Variants in SAMMSON observed in about 807,000 individuals in gnomAD.
SAMMSON encodes long intergenic non-protein coding RNA 1212.
rs1226764937 is a variant in SAMMSON at position 70,312,057 on chromosome 3, G to A, written n.739+20814G>A. On this transcript the variant is annotated intron_variant and non_coding_transcript_variant, in intron 7 of 9. Transcript: ENST00000642114. ...TCGAGTTTTATATTTAGAAACTACTGCCATATTATGGGAAAATTTTATCTC... is the reference window on the plus strand; with the variant it reads ...TCGAGTTTTATATTTAGAAACTACTACCATATTATGGGAAAATTTTATCTC... 2.0e-5 allele frequency: 8 copies of A among 394,460 alleles called. No homozygotes were observed. In the Admixed American group the frequency reaches 3.1e-4, roughly 15 times the overall value. 24.4% of individuals were successfully genotyped at this position (394,460 alleles called of 1,614,324 possible). A position where few individuals can be genotyped will look rare whatever the true frequency, so the allele number is the denominator to read the frequency against.
intron 6 of SAMMSON, among the ~76,000 whole-genome samples, chr3:70,285,465 C>T (rs1244436860): frequency 1.3e-5 from 2 of 151,942 alleles, no homozygotes; most frequent in African/African-American, 4.8e-5. Flanking sequence ...CATTGTTGGA[C>T]ATTTGGGTTG....
chr3:70,215,043 G>T (rs1187980269), intron 4 of SAMMSON, among the ~76,000 whole-genome samples: 1 of 152,014 alleles, frequency 6.6e-6, no homozygotes, highest in African/African-American at 2.4e-5. Context: ...AAATATAAAT[G>T]TTAAAAATAA....
Position 70,139,326 on chromosome 3 carries a change from C to T in SAMMSON, n.507+67761C>T, listed in dbSNP as rs191192425. 5.3e-5 allele frequency among the ~76,000 whole-genome samples: 8 copies of T among 152,224 alleles called. No homozygotes were observed. The East Asian group carries it at 1.6e-3, about 30-fold the overall frequency. On this transcript the variant is annotated intron_variant and non_coding_transcript_variant, in intron 4 of 9. Transcript: ENST00000642114. ...TGCTGGGATTATAGGTATGAGCTAC[C>T]ACACCCAACCAAACCTTAAGTCTTG...
intron 6 of SAMMSON, among the ~76,000 whole-genome samples, chr3:70,250,236 T>A (rs554197690): frequency 2.0e-5 from 3 of 152,304 alleles, no homozygotes; most frequent in East Asian, 3.9e-4. Context: ...CTTCTCATCT[T>A]GTGCTGCTGA....
At chr3:70,409,136 C>G (rs1023436428) in intron 2 of SAMMSON, among the ~76,000 whole-genome samples, 6 of 152,118 alleles carry the variant, frequency 3.9e-5, no homozygotes, top group African/African-American at 1.4e-4. Context: ...GAGTACAACT[C>G]AAGATGAGAT....
intron 4 of SAMMSON, among the ~76,000 whole-genome samples, chr3:70,111,244 C>T (rs1463909790): frequency 1.3e-5 from 2 of 152,024 alleles, no homozygotes; most frequent in Admixed American, 6.6e-5. Context: ...ACATGATAGA[C>T]TAGATAAGAA....
chr3:70,406,583 A>G (rs958611755), intron 2 of SAMMSON, among the ~76,000 whole-genome samples: 1 of 152,252 alleles, frequency 6.6e-6, no homozygotes, highest in Non-Finnish European at 1.5e-5. Flanking sequence ...CAACAAGAGC[A>G]CAAAGGATGA....
chr3:70,254,569 G>A (rs938274409), intron 6 of SAMMSON, among the ~76,000 whole-genome samples: 1 of 152,090 alleles, frequency 6.6e-6, no homozygotes, highest in Non-Finnish European at 1.5e-5. Context: ...TTCCCTAATG[G>A]TGAGGTGGCA....
chr3:70,265,724 A>G (rs1180046376), intron 6 of SAMMSON, among the ~76,000 whole-genome samples: 1 of 152,220 alleles, frequency 6.6e-6, no homozygotes, highest in Non-Finnish European at 1.5e-5. Flanking sequence ...TTTACAAAGA[A>G]AAAAGGTTTA....
Position 70,138,521 on chromosome 3 carries a change from C to T in SAMMSON, n.507+66956C>T, listed in dbSNP as rs75640832. ...TCCTAATCACTTAGCAAAGGCCCTA[C>T]ATTTTAATACTATCACCTAGGTGGC... On this transcript the variant is annotated intron_variant and non_coding_transcript_variant, in intron 4 of 9. Coordinates refer to ENST00000642114, the Ensembl canonical transcript of SAMMSON. 1.1e-3 allele frequency among the ~76,000 whole-genome samples: 170 copies of T among 152,316 alleles called. 1 individual carries two copies. The highest frequency in any genetic ancestry group is 3.9e-3 in the African/African-American group (162 of 41,568).
At chr3:70,337,837 T>G (rs887240149) in intron 7 of SAMMSON, among the ~76,000 whole-genome samples, 3 of 151,970 alleles carry the variant, frequency 2.0e-5, no homozygotes, top group Admixed American at 2.0e-4. Flanking sequence ...TGGTTTTATA[T>G]TTTCTCTACT....
intron 9 of SAMMSON, among the ~76,000 whole-genome samples, chr3:70,374,734 A>G (rs545157218): frequency 6.6e-6 from 1 of 152,254 alleles, no homozygotes; most frequent in African/African-American, 2.4e-5. Context: ...ATGGTTTGTC[A>G]CAGCCTGGGA....
At chr3:70,163,513 G>T (rs552052663) in intron 4 of SAMMSON, among the ~76,000 whole-genome samples, 1 of 151,730 alleles carries the variant, frequency 6.6e-6, no homozygotes, top group Non-Finnish European at 1.5e-5. Flanking sequence ...CCTCATTCAT[G>T]TTATTATTGT....
chr3:70,082,853 A>G (rs1331928332), intron 4 of SAMMSON, among the ~76,000 whole-genome samples: 2 of 152,244 alleles, frequency 1.3e-5, no homozygotes, highest in Non-Finnish European at 2.9e-5. Context: ...TAACAGCCCC[A>G]TGAGATAGAT....
intron 3 of SAMMSON, among the ~76,000 whole-genome samples, chr3:70,039,709 GA>G (rs941258536): frequency 2.6e-5 from 4 of 151,606 alleles, no homozygotes; most frequent in African/African-American, 9.7e-5. Context: ...TGTCTCAGGG[GA>G]GGTGGTTCCC....
At chr3:70,426,600 C>T (rs1245656686) in intron 2 of SAMMSON, among the ~76,000 whole-genome samples, 1 of 152,162 alleles carries the variant, frequency 6.6e-6, no homozygotes, top group Non-Finnish European at 1.5e-5. Flanking sequence ...TTCTTCTTCC[C>T]CTAAACAAGA....
Position 70,307,916 on chromosome 3 carries a change from C to A in SAMMSON, n.739+16673C>A, listed in dbSNP as rs1702417634. Among the ~76,000 whole-genome samples the A allele has an allele frequency of 2.0e-5, 3 of 152,278 alleles. No individual in the cohort carries two copies. In the South Asian group the frequency reaches 6.2e-4, roughly 32 times the overall value. On this transcript the variant is annotated intron_variant and non_coding_transcript_variant, in intron 7 of 9. Coordinates refer to ENST00000642114, the Ensembl canonical transcript of SAMMSON. ...CCCTAGCACTGAAATAGGCATCTTC[C>A]AGCCTCTGATGCCTTTGCTCCCTGC...
chr3:70,147,066 T>C (rs190109342), intron 4 of SAMMSON, among the ~76,000 whole-genome samples: 44 of 152,144 alleles, frequency 2.9e-4, no homozygotes, highest in South Asian at 4.1e-4. Context: ...TTACTGTTTA[T>C]GATAGCTGCT....
chr3:70,127,393 T>G (rs773477729), intron 4 of SAMMSON: 3 of 152,082 alleles, frequency 2.0e-5, no homozygotes, highest in Non-Finnish European at 4.4e-5. Flanking sequence ...TATCAGAACT[T>G]AATGAGTCCC....
Sources: allele counts gnomAD v4.1 joint callset (sites outside exome capture counted in the v4.1 genomes callset), GRCh38; gene constraint gnomAD v4.1.1; transcripts MANE v1.5; gene names NCBI Gene and HGNC (gene_info 2026-07-23, HGNC 2026-07-21).